The following MYT1L variants were observed in gnomAD, a reference collection of about 807,000 sequenced individuals.
The protein encoded by MYT1L is myelin transcription factor 1 like, also known as myelin transcription factor 1-like protein.
Under a neutral mutation model 126.7 loss-of-function variants are expected in MYT1L, and 12 were observed. The ratio of observed to expected loss-of-function variants is 0.09; its 90% CI spans 0.06 to 0.15. The LOEUF (loss-of-function observed/expected upper bound fraction) is 0.15. Ranked by LOEUF, MYT1L falls within the 10% of genes least tolerant of loss-of-function variation. The pLI, the probability that MYT1L is intolerant of heterozygous loss-of-function variation, is 1.00. For missense variants in MYT1L, 979 were observed against 1,585.2 expected (o/e 0.62, Z 6.49); for synonymous variants, 541 against 604.2 (o/e 0.90, Z 1.53).
chr2:2,260,398 A>G (rs555725575), intron 2 of MYT1L, among the ~76,000 whole-genome samples: 1 of 152,334 alleles, frequency 6.6e-6, no homozygotes, highest in South Asian at 2.1e-4. Flanking sequence ...TTTTTACTGT[A>G]TCTCAAGTGA....
At chr2:1,941,702 T>A (rs1206589418) in intron 9 of MYT1L, among the ~76,000 whole-genome samples, 1 of 119,806 alleles carries the variant, frequency 8.3e-6, no homozygotes, top group Admixed American at 8.2e-5. Context: ...TGTATATACA[T>A]ATCTATCTAT....
chr2:2,071,238 A>C (rs2074558903), intron 3 of MYT1L, among the ~76,000 whole-genome samples: 1 of 152,262 alleles, frequency 6.6e-6, no homozygotes, highest in Admixed American at 6.5e-5. Flanking sequence ...ATTACCTTAA[A>C]ATGAAAATAG....
At chr2:1,830,652 A>G (rs2148272233) in intron 21 of MYT1L, among the ~76,000 whole-genome samples, 1 of 152,270 alleles carries the variant, frequency 6.6e-6, no homozygotes, top group Admixed American at 6.5e-5. Context: ...ACAGGTGTGA[A>G]ACACCATGGG....
chr2:2,223,052 G>A (rs569478942), intron 2 of MYT1L, among the ~76,000 whole-genome samples: 3 of 152,208 alleles, frequency 2.0e-5, no homozygotes, highest in Non-Finnish European at 4.4e-5. Flanking sequence ...CACATACTAA[G>A]CAATGAACTT....
intron 2 of MYT1L, among the ~76,000 whole-genome samples, chr2:2,267,784 A>T (rs956101918): frequency 1.3e-5 from 2 of 152,164 alleles, no homozygotes; most frequent in African/African-American, 4.8e-5. Flanking sequence ...GTCAAGCTAC[A>T]GTCAGGGATG....
At chr2:2,316,224 G>A (rs1178045969) in intron 1 of MYT1L, among the ~76,000 whole-genome samples, 2 of 152,066 alleles carry the variant, frequency 1.3e-5, no homozygotes, top group African/African-American at 4.8e-5. Context: ...CTATTTCGCT[G>A]GGATATTTTG....
chr2:1,909,595 A>T (rs2051599569), intron 13 of MYT1L, among the ~76,000 whole-genome samples: 1 of 152,178 alleles, frequency 6.6e-6, no homozygotes, highest in Non-Finnish European at 1.5e-5. Context: ...TCCTCCCAAA[A>T]CTTCAATAAA....
At chr2:2,218,393 G>A (rs1436742847) in intron 2 of MYT1L, among the ~76,000 whole-genome samples, 1 of 152,196 alleles carries the variant, frequency 6.6e-6, no homozygotes, top group Non-Finnish European at 1.5e-5. Context: ...ATAGAAAGGA[G>A]TGCACTATTG....
intron 1 of MYT1L, among the ~76,000 whole-genome samples, chr2:2,296,845 C>G (rs2095702465): frequency 6.6e-6 from 1 of 152,180 alleles, no homozygotes; most frequent in South Asian, 2.1e-4. Context: ...ATCACCAGGC[C>G]TCACCGGTGT....
At chr2:1,940,858 G>C (rs2056565315) in intron 9 of MYT1L, among the ~76,000 whole-genome samples, 1 of 152,222 alleles carries the variant, frequency 6.6e-6, no homozygotes, top group Non-Finnish European at 1.5e-5. Context: ...GACCACATGA[G>C]TGGTGGGCAC....
intron 9 of MYT1L, among the ~76,000 whole-genome samples, chr2:1,934,915 G>T (rs1056019769): frequency 2.6e-5 from 4 of 152,122 alleles, no homozygotes; most frequent in Non-Finnish European, 5.9e-5. Context: ...TTCCAGAATG[G>T]GTTTGAGACA....
intron 8 of MYT1L, among the ~76,000 whole-genome samples, chr2:1,976,505 G>T (rs1014862533): frequency 1.3e-5 from 2 of 152,176 alleles, no homozygotes; most frequent in Non-Finnish European, 2.9e-5. Flanking sequence ...AGCTGGGTGT[G>T]GTGGCGGGTG....
chr2:2,193,163 A>T (rs1156282285), intron 2 of MYT1L, among the ~76,000 whole-genome samples: 1 of 151,974 alleles, frequency 6.6e-6, no homozygotes, highest in African/African-American at 2.4e-5. Flanking sequence ...TTTTTAGTAG[A>T]GACGGGGTTT....
At chr2:2,320,478 GAAAAAAA>G (rs111423007) in intron 1 of MYT1L, among the ~76,000 whole-genome samples, 1 of 130,986 alleles carries the variant, frequency 7.6e-6, no homozygotes, top group Non-Finnish European at 1.6e-5. Context: ...CTAAGTCCTA[GAAAAAAA>G]AAAAAGAAAA....
intron 21 of MYT1L, among the ~76,000 whole-genome samples, chr2:1,830,847 A>T (rs982651791): frequency 1.3e-5 from 2 of 152,068 alleles, no homozygotes; most frequent in African/African-American, 4.8e-5. Flanking sequence ...CCTCCCTCAC[A>T]GGATCCTCCA....
At chr2:1,862,994 C>T (rs1435692344) in intron 18 of MYT1L, among the ~76,000 whole-genome samples, 10 of 152,138 alleles carry the variant, frequency 6.6e-5, no homozygotes, top group Non-Finnish European at 2.9e-5. Context: ...AGGAGGCTCA[C>T]AACGCTGGAA....
chr2:1,833,222 C>A (rs6708121), intron 21 of MYT1L, among the ~76,000 whole-genome samples: 65,554 of 152,018 alleles, frequency 0.43, 14,854 homozygotes, highest in East Asian at 0.67. Context: ...TGCCCGCATC[C>A]GAGGCTCTTA....
At chr2:2,042,051 T>A (rs1297931606) in intron 4 of MYT1L, among the ~76,000 whole-genome samples, 1 of 152,166 alleles carries the variant, frequency 6.6e-6, no homozygotes, top group African/African-American at 2.4e-5. Context: ...CTGCTTCTTG[T>A]AAGTCTGTTT....
chr2:2,312,574 T>C (rs903912593), intron 1 of MYT1L, among the ~76,000 whole-genome samples: 5 of 152,078 alleles, frequency 3.3e-5, no homozygotes, highest in African/African-American at 4.8e-5. Flanking sequence ...GATTGCACCA[T>C]GGCACTCCAG....
Sources: gnomAD v4.1 joint callset for allele counts (sites outside exome capture counted in the v4.1 genomes callset) on GRCh38, gnomAD v4.1.1 for gene constraint, MANE v1.5 for transcripts, NCBI Gene and HGNC (gene_info 2026-07-23, HGNC 2026-07-21) for gene names.